The following SGSM1 variants were observed in gnomAD, a reference collection of about 807,000 sequenced individuals.
The protein encoded by SGSM1 is small G protein signaling modulator 1.
A neutral mutation model predicts 133.8 loss-of-function variants in SGSM1; 73 were observed. The observed-to-expected ratio is 0.55, with a 90% CI of 0.45 to 0.66. The LOEUF is 0.66. Ranked by LOEUF, SGSM1 falls within the 30% of genes least tolerant of loss-of-function variation. The probability of loss-of-function intolerance (pLI) is 0.00; values close to 1 mark genes in which losing one functional copy is unlikely to be tolerated. For synonymous variants in SGSM1, 563 were observed against 573.0 expected (o/e 0.98, Z 0.25); for missense variants, 1,213 against 1,448.1 (o/e 0.84, Z 2.64).
intron 8 of SGSM1, among the ~76,000 whole-genome samples, chr22:24,858,588 A>G (rs1443005278): frequency 6.7e-6 from 1 of 149,228 alleles, no homozygotes; most frequent in Non-Finnish European, 1.5e-5. Context: ...GTGAGCCGAG[A>G]TCGCGCCGCT....
chr22:24,869,204 G>A (rs568860568), intron 12 of SGSM1, among the ~76,000 whole-genome samples: 1 of 152,186 alleles, frequency 6.6e-6, no homozygotes, highest in African/African-American at 2.4e-5. Flanking sequence ...TAGTCATTCT[G>A]GGGATTAAAC....
intron 2 of SGSM1, among the ~76,000 whole-genome samples, chr22:24,824,377 A>G (rs1276358018): frequency 2.0e-5 from 3 of 152,134 alleles, no homozygotes; most frequent in Non-Finnish European, 2.9e-5. Context: ...CACAGCATAG[A>G]ACCAGGCACA....
At chr22:24,917,457 G>C (rs1416705595) in intron 22 of SGSM1, among the ~76,000 whole-genome samples, 1 of 152,208 alleles carries the variant, frequency 6.6e-6, no homozygotes, top group Non-Finnish European at 1.5e-5. Context: ...AGGATGCTGA[G>C]CATCTTTCAT....
At chr22:24,852,745 TTTTTATTTA>T (rs1930555540) in intron 5 of SGSM1, among the ~76,000 whole-genome samples, 1 of 151,126 alleles carries the variant, frequency 6.6e-6, no homozygotes, top group Non-Finnish European at 1.5e-5. Flanking sequence ...GCCTGGTCGT[TTTTTATTTA>T]TTTTGAGACC....
rs145626737 is a variant in SGSM1 at position 24,874,553 on chromosome 22, C to T, written c.1292-2024C>T. 4.9e-4 allele frequency: 782 copies of T among 1,608,048 alleles called. 2 individuals carry two copies. The African/African-American group carries it at 8.4e-3, about 17-fold the overall frequency. ...GCCAGATGGGACACTACTCTCCCCA[C>T]GCCAAGCCCGAAGGAGCAGCCCCCC... is the stretch of plus-strand genomic sequence containing the variant. On this transcript the variant is annotated intron_variant, in intron 12 of 24. Coordinates refer to ENST00000400358, the MANE Select transcript of SGSM1 (RefSeq NM_001098497.3).
intron 2 of SGSM1, among the ~76,000 whole-genome samples, chr22:24,823,976 A>G (rs1005545348): frequency 6.6e-6 from 1 of 152,246 alleles, no homozygotes; most frequent in Non-Finnish European, 1.5e-5. Context: ...CCCATTTCAC[A>G]GATGGGAAAG....
intron 21 of SGSM1, among the ~76,000 whole-genome samples, chr22:24,908,976 C>T (rs1019530615): frequency 6.6e-6 from 1 of 152,156 alleles, no homozygotes; most frequent in African/African-American, 2.4e-5. Context: ...GGAACCTTGC[C>T]GCACGGCAGG....
chr22:24,851,184 G>A (rs952466730), intron 5 of SGSM1, among the ~76,000 whole-genome samples: 41 of 151,936 alleles, frequency 2.7e-4, no homozygotes, highest in African/African-American at 9.4e-4. Context: ...TTAATCTGAT[G>A]TGAAAGTTTT....
intron 12 of SGSM1, among the ~76,000 whole-genome samples, chr22:24,875,793 C>T (rs1931998588): frequency 6.6e-6 from 1 of 152,134 alleles, no homozygotes; most frequent in Non-Finnish European, 1.5e-5. Flanking sequence ...CTCTGCAGTT[C>T]TTATGAAGCT....
intron 2 of SGSM1, among the ~76,000 whole-genome samples, chr22:24,822,313 C>T (rs563763066): frequency 3.1e-4 from 47 of 152,014 alleles, no homozygotes; most frequent in African/African-American, 9.2e-4. Context: ...AGGATGGTCT[C>T]GATCTCCTGA....
intron 2 of SGSM1, among the ~76,000 whole-genome samples, chr22:24,808,058 CT>C (rs1406749735): frequency 6.6e-6 from 1 of 151,718 alleles, no homozygotes; most frequent in Non-Finnish European, 1.5e-5. Flanking sequence ...GTATAGACTC[CT>C]GTGGGTATTC....
rs1412629079 is a variant in SGSM1, at chr22:24,901,487, G to A, written c.2611-346G>A. On this transcript the variant is annotated intron_variant, in intron 19 of 24. Transcript: ENST00000400358. ...TCTTATTTTCTTGCCACATCATTGA[G>A]CCATTTTGAAATTAAGGTACTTGTT... Among the ~76,000 whole-genome samples, 3 of 152,212 alleles carry A rather than the reference G, an allele frequency of 2.0e-5. No individual in the cohort carries two copies. In the South Asian group the frequency reaches 6.2e-4, roughly 32 times the overall value.
chr22:24,818,323 A>C (rs1928243501), intron 2 of SGSM1, among the ~76,000 whole-genome samples: 1 of 152,096 alleles, frequency 6.6e-6, no homozygotes, highest in Non-Finnish European at 1.5e-5. Context: ...TACCTCCCAG[A>C]AGCTCTTCCT....
intron 16 of SGSM1, 136 bp downstream of exon 16, chr22:24,886,864 G>A (rs1436734852): frequency 2.9e-5 from 34 of 1,186,594 alleles, no homozygotes; most frequent in African/African-American, 3.1e-5. Flanking sequence ...TGAAGGCGGC[G>A]CTGTCCAATA....
intron 2 of SGSM1, among the ~76,000 whole-genome samples, chr22:24,842,149 G>A (rs1019096236): frequency 2.0e-5 from 3 of 152,190 alleles, no homozygotes; most frequent in Admixed American, 6.5e-5. Flanking sequence ...CAGCATCACC[G>A]TGTCCTGCCT....
intron 22 of SGSM1, among the ~76,000 whole-genome samples, chr22:24,914,349 A>G (rs1225227947): frequency 6.6e-6 from 1 of 151,576 alleles, no homozygotes; most frequent in Non-Finnish European, 1.5e-5. Flanking sequence ...ACACGCCTAT[A>G]ATCCCAGCTA....
intron 16 of SGSM1, among the ~76,000 whole-genome samples, chr22:24,888,730 A>C (rs1932746936): frequency 6.6e-6 from 1 of 151,948 alleles, no homozygotes; most frequent in Admixed American, 6.6e-5. Flanking sequence ...AGTGAGCCGA[A>C]GTCATGCCAC....
chr22:24,845,961 C>CTTTTCT lies in SGSM1; in HGVS notation c.139+992_139+993insTCTTTT, dbSNP rs1023234257. ...TTTTCTTTTCTTTCTTTCTTTCTTT[C>CTTTTCT]TTTCTTTCTTTCTTTCTTTCTTTCT... On this transcript the variant is annotated intron_variant, in intron 3 of 24. Transcript: ENST00000400358. 3.6e-3 allele frequency among the ~76,000 whole-genome samples: 374 copies of CTTTTCT among 104,912 alleles called. 11 individuals carry two copies. Among genetic ancestry groups the CTTTTCT allele is most frequent in the African/African-American group, 0.012 (358 of 30,972 alleles). The allele number at this position is 104,912 out of a possible 152,430, so 68.8% of individuals were successfully genotyped here.
rs1931503871 is a variant in SGSM1, at chr22:24,867,142, C to T, written c.976C>T (p.Leu326=). The T allele has an allele frequency of 6.2e-7, 1 of 1,613,750 alleles. No homozygotes were observed. The highest frequency in any genetic ancestry group is 8.5e-7 in the Non-Finnish European group (1 of 1,179,892). Residue 326 remains leucine (L), a synonymous_variant, in exon 10 of 25, where the codon CTG becomes TTG. Transcript: ENST00000400358. ...CATCCGCTTGGAGGAGATTGTCTAC[C>T]TGCACTGCCACCAGCAAGGTAGGGA... The part of the protein sequence containing the change: ...MTIRLEEIVY[L]HCHQQVDSGG...
Sources: gnomAD v4.1 joint callset for allele counts (sites outside exome capture counted in the v4.1 genomes callset) on GRCh38, gnomAD v4.1.1 for gene constraint, MANE v1.5 for transcripts, NCBI Gene and HGNC (gene_info 2026-07-23, HGNC 2026-07-21) for gene names.